Variants in KIF13A observed in about 807,000 individuals in gnomAD.
The protein encoded by KIF13A is kinesin family member 13A, also known as kinesin-like protein KIF13A.
A neutral mutation model predicts 212.2 loss-of-function variants in KIF13A; 79 were observed. The observed-to-expected ratio is 0.37, with a 90% CI of 0.31 to 0.45. KIF13A has a LOEUF of 0.45. Among genes scored for constraint, KIF13A ranks in the 20% least tolerant of loss-of-function variants. KIF13A has a pLI of 1.00. For missense variants in KIF13A, 1,901 were observed against 2,209.0 expected, an observed-to-expected ratio of 0.86 and a Z score of 2.79; for synonymous variants, 789 against 808.6, an observed-to-expected ratio of 0.98 and a Z score of 0.41.
intron 16 of KIF13A, among the ~76,000 whole-genome samples, chr6:17,821,552 G>GGGGTGTGTGTGTGTGTGT (rs1764434808): frequency 1.8e-5 from 2 of 112,012 alleles, no homozygotes; most frequent in African/African-American, 6.1e-5. Context: ...ATTGGGACAT[G>GGGGTGTGTGTGTGTGTGT]GTGTGTGTGT....
chr6:17,975,576 C>A (rs1303092380), intron 2 of KIF13A, among the ~76,000 whole-genome samples: 2 of 152,142 alleles, frequency 1.3e-5, no homozygotes, highest in Non-Finnish European at 2.9e-5. Context: ...CAGAACAAAA[C>A]GCGAACAAGT....
chr6:17,761,892 T>A (rs922783859), downstream of KIF13A, among the ~76,000 whole-genome samples: 2 of 152,018 alleles, frequency 1.3e-5, no homozygotes, highest in Admixed American at 6.6e-5. Context: ...GGGCAGTGCT[T>A]CCCACAGTAT....
chr6:17,909,663 G>A (rs1195498216), intron 2 of KIF13A, among the ~76,000 whole-genome samples: 1 of 152,080 alleles, frequency 6.6e-6, no homozygotes, highest in Non-Finnish European at 1.5e-5. Flanking sequence ...GGGAGGCCAA[G>A]GCAGGCAGAT....
rs1243050161 is a variant in KIF13A at position 17,850,161 on chromosome 6, A to C, written c.717+162T>G. Among the ~76,000 whole-genome samples, 2 of 152,162 alleles carry C rather than the reference A, an allele frequency of 1.3e-5. No individual in the cohort carries two copies. Among genetic ancestry groups the C allele is most frequent in the African/African-American group, 4.8e-5 (2 of 41,436 alleles). On this transcript the variant is annotated intron_variant, in intron 8 of 38. Coordinates refer to ENST00000259711, the MANE Select transcript of KIF13A (RefSeq NM_022113.6). The surrounding 1 kb of genome is among the most constrained non-coding windows in gnomAD (Gnocchi z 6.2). ...TTTTTTAAAAAGTCAAATATAAAGAAAGACCTAACAAATTAAATGATAAGC... is the reference window on the plus strand; with the variant it reads ...TTTTTTAAAAAGTCAAATATAAAGACAGACCTAACAAATTAAATGATAAGC...
intron 2 of KIF13A, among the ~76,000 whole-genome samples, chr6:17,960,279 A>G (rs553379837): frequency 4.3e-4 from 66 of 152,368 alleles, no homozygotes; most frequent in Non-Finnish European, 9.0e-4. Context: ...TAGCAAAAAG[A>G]GAGCGAGTAT....
At chr6:17,959,421 C>A (rs987517414) in intron 2 of KIF13A, among the ~76,000 whole-genome samples, 5 of 152,290 alleles carry the variant, frequency 3.3e-5, no homozygotes, top group Non-Finnish European at 7.4e-5. Context: ...ATAAAATATT[C>A]CATTGCCACC....
chr6:17,833,012 T>C (rs1010549679), intron 12 of KIF13A, among the ~76,000 whole-genome samples: 3 of 78,390 alleles, frequency 3.8e-5, no homozygotes, highest in South Asian at 4.0e-4. Flanking sequence ...AGACTCTGTC[T>C]GCAAAAAAAA....
intron 2 of KIF13A, among the ~76,000 whole-genome samples, chr6:17,962,670 G>C: frequency 6.6e-6 from 1 of 152,214 alleles, no homozygotes; most frequent in South Asian, 2.1e-4. Context: ...CAGGCACCCG[G>C]AGGCAGCTCA....
downstream of KIF13A, among the ~76,000 whole-genome samples, chr6:17,763,146 T>A (rs1250801750): frequency 6.6e-6 from 1 of 152,148 alleles, no homozygotes; most frequent in Non-Finnish European, 1.5e-5. Flanking sequence ...TTTGTGATTT[T>A]CCTTAGTAAT....
intron 4 of KIF13A, among the ~76,000 whole-genome samples, chr6:17,863,965 G>A (rs1362792818): frequency 6.6e-6 from 1 of 152,092 alleles, no homozygotes; most frequent in African/African-American, 2.4e-5. Context: ...ACAGTGCATG[G>A]GTGGATCCCA....
intron 16 of KIF13A, among the ~76,000 whole-genome samples, chr6:17,823,464 CCTTT>C (rs142586442): frequency 0.062 from 8,652 of 140,168 alleles, 333 homozygotes; most frequent in Middle Eastern, 0.1. Context: ...TTCCTTCCTT[CCTTT>C]CTTTCCTTTC....
intron 18 of KIF13A, among the ~76,000 whole-genome samples, chr6:17,808,275 A>G (rs1426770937): frequency 6.6e-6 from 1 of 152,118 alleles, no homozygotes; most frequent in Non-Finnish European, 1.5e-5. Context: ...AATCCCAGCT[A>G]CTCGGGAGGT....
intron 20 of KIF13A, among the ~76,000 whole-genome samples, chr6:17,803,696 A>C (rs1274943738): frequency 1.3e-5 from 2 of 152,228 alleles, no homozygotes; most frequent in Non-Finnish European, 2.9e-5. Flanking sequence ...TTTAGGGGCC[A>C]GGAAGGAACT....
At chr6:17,902,686 C>T in intron 2 of KIF13A, among the ~76,000 whole-genome samples, 1 of 152,150 alleles carries the variant, frequency 6.6e-6, no homozygotes, top group Non-Finnish European at 1.5e-5. Flanking sequence ...ACTATCTTGG[C>T]CTTCACTACT....
intron 2 of KIF13A, among the ~76,000 whole-genome samples, chr6:17,903,000 C>A (rs1773180791): frequency 6.6e-6 from 1 of 152,178 alleles, no homozygotes; most frequent in Non-Finnish European, 1.5e-5. Flanking sequence ...TGGGGCAAGA[C>A]TGCCTGCATT....
At position 17,899,472 on chromosome 6, in the gene KIF13A, C is replaced by T. The variant is rs1157935434; in HGVS notation, c.147-1292G>A. On this transcript the variant is annotated intron_variant, in intron 2 of 38. Coordinates refer to ENST00000259711, the MANE Select transcript of KIF13A (RefSeq NM_022113.6). This position sits in a 1 kb window ranked among gnomAD's most constrained non-coding sequence, Gnocchi z 5.2. ...TTCTCCATCACTGGGTGCGACACTC[C>T]TTACAGAGCTCTGAGGGACTCGAAC... is the stretch of plus-strand genomic sequence containing the variant. 6.6e-6 allele frequency among the ~76,000 whole-genome samples: 1 copy of T among 152,158 alleles called. No individual in the cohort carries two copies. The highest frequency in any genetic ancestry group is 1.5e-5 in the Non-Finnish European group (1 of 68,014).
In KIF13A at chr6:17,829,570, C is replaced by G. The variant is rs1050765462; in HGVS notation, c.1402-1200G>C. On this transcript the variant is annotated intron_variant, in intron 13 of 38. Transcript: ENST00000259711. The surrounding 1 kb of genome is among the most constrained non-coding windows in gnomAD (Gnocchi z 5.4). The stretch of plus-strand genomic sequence containing the variant: ...TTTAAGTACCTGAACCTCAGACATA[C>G]GAGGACTGTGACTATTGGTGATTCA... Among the ~76,000 whole-genome samples the G allele has an allele frequency of 6.6e-6, 1 of 152,164 alleles. No homozygotes were observed. Among genetic ancestry groups the G allele is most frequent in the East Asian group, 1.9e-4 (1 of 5,186 alleles).
intron 16 of KIF13A, among the ~76,000 whole-genome samples, chr6:17,820,539 C>T (rs778323186): frequency 7.2e-5 from 11 of 152,122 alleles, no homozygotes; most frequent in Non-Finnish European, 1.6e-4. Flanking sequence ...ATGATGTGGC[C>T]CAGGACGGAA....
chr6:17,790,857 C>G (rs1462129907), intron 25 of KIF13A, among the ~76,000 whole-genome samples: 2 of 152,140 alleles, frequency 1.3e-5, no homozygotes, highest in East Asian at 3.9e-4. Flanking sequence ...CTCTATTGAC[C>G]ATAACAATCA....
Sources: allele counts gnomAD v4.1 joint callset (sites outside exome capture counted in the v4.1 genomes callset), GRCh38; gene constraint gnomAD v4.1.1; non-coding constraint Gnocchi (gnomAD v3.1); transcripts MANE v1.5; gene names NCBI Gene and HGNC (gene_info 2026-07-23, HGNC 2026-07-21).